The following CTSO variants were observed in gnomAD, a reference collection of about 807,000 sequenced individuals.
CTSO encodes the protein cathepsin O.
A neutral mutation model predicts 42.4 loss-of-function variants in CTSO; 40 were observed. That is an observed-to-expected ratio of 0.94 (90% CI 0.73 to 1.23). The LOEUF is 1.23. Among genes scored for constraint, CTSO ranks in the 50% most tolerant of loss-of-function variants. The pLI is 0.00. For synonymous variants in CTSO, 156 were observed against 146.2 expected (o/e 1.07, Z -0.48); for missense variants, 441 against 396.0 (o/e 1.11, Z -0.96).
At position 155,933,053 on chromosome 4, in the gene CTSO, T is replaced by C. The variant is rs75090718; in HGVS notation, c.675-3348A>G. 3.4e-3 allele frequency among the ~76,000 whole-genome samples: 521 copies of C among 152,168 alleles called. 3 individuals carry two copies. Among genetic ancestry groups the C allele is most frequent in the African/African-American group, 0.011 (466 of 41,508 alleles). ...TCATCTCTCATCTCCAAGGCCATTC[T>C]CCTAACACCCTGCTCTAAGGCCACT... is the stretch of plus-strand genomic sequence containing the variant. On this transcript the variant is annotated intron_variant, in intron 5 of 7. Coordinates refer to ENST00000433477, the MANE Select transcript of CTSO (RefSeq NM_001334.3).
At chr4:155,938,961 A>C (rs1053183916) in intron 4 of CTSO, among the ~76,000 whole-genome samples, 1 of 151,806 alleles carries the variant, frequency 6.6e-6, no homozygotes, top group African/African-American at 2.4e-5. Flanking sequence ...TGTCTCAAAA[A>C]CAACAACAAC....
chr4:155,944,818 G>C (rs1250364424), intron 1 of CTSO, among the ~76,000 whole-genome samples: 1 of 151,994 alleles, frequency 6.6e-6, no homozygotes, highest in Non-Finnish European at 1.5e-5. Flanking sequence ...AGTTTCCTTG[G>C]ACTGTGAGAC....
intron 5 of CTSO, among the ~76,000 whole-genome samples, chr4:155,933,228 G>T (rs1314330880): frequency 2.0e-5 from 3 of 152,118 alleles, no homozygotes; most frequent in African/African-American, 7.2e-5. Context: ...TTGTGATAGT[G>T]AATAAGTCTC....
intron 5 of CTSO, among the ~76,000 whole-genome samples, chr4:155,930,182 A>G (rs1028084405): frequency 4.6e-5 from 7 of 152,176 alleles, no homozygotes; most frequent in African/African-American, 1.2e-4. Context: ...TAGTTAAGAC[A>G]TAGGGCTTCT....
At chr4:155,947,315 T>G (rs550968248) in intron 1 of CTSO, among the ~76,000 whole-genome samples, 2 of 152,272 alleles carry the variant, frequency 1.3e-5, no homozygotes, top group East Asian at 3.9e-4. Flanking sequence ...TGGAAAACAC[T>G]TATTACAGAG....
chr4:155,929,763 T>C (rs1743202010), intron 5 of CTSO, 58 bp from the exon 6 acceptor site: 2 of 1,494,968 alleles, frequency 1.3e-6, no homozygotes, highest in Non-Finnish European at 1.8e-6. Context: ...AAAATAACAA[T>C]GATCTATATA....
At chr4:155,930,988 A>C in intron 5 of CTSO, among the ~76,000 whole-genome samples, 1 of 152,290 alleles carries the variant, frequency 6.6e-6, no homozygotes, top group East Asian at 1.9e-4. Flanking sequence ...CCTGGGTTCA[A>C]ATTCCAACTA....
intron 3 of CTSO, among the ~76,000 whole-genome samples, chr4:155,941,068 G>T (rs1743422020): frequency 6.6e-6 from 1 of 152,144 alleles, no homozygotes; most frequent in South Asian, 2.1e-4. Context: ...CAATAATAAA[G>T]CAAATGATTT....
At chr4:155,930,532 C>G (rs1261762281) in intron 5 of CTSO, among the ~76,000 whole-genome samples, 1 of 152,100 alleles carries the variant, frequency 6.6e-6, no homozygotes, top group Middle Eastern at 3.2e-3. Flanking sequence ...ATTATTTACA[C>G]TTTTCAAAGG....
chr4:155,926,798 G>C (rs1743135653), intron 7 of CTSO, among the ~76,000 whole-genome samples: 1 of 152,124 alleles, frequency 6.6e-6, no homozygotes, highest in African/African-American at 2.4e-5. Context: ...AGTAGCTGAG[G>C]GATGGAGAAA....
rs1158526650 is a variant in CTSO at position 155,928,343 on chromosome 4, A to G, written c.924T>C (p.Asn308=). 2 of 1,610,672 alleles carry G rather than the reference A, an allele frequency of 1.2e-6. No homozygotes were observed. Among genetic ancestry groups the G allele is most frequent in the East Asian group, 2.2e-5 (1 of 44,732 alleles). Reference sequence around the variant, plus strand: ...CACAAACTCATGACTTACCACAAACATTACTTCCCATTTTGACATGGGCAT... The same window carrying G: ...CACAAACTCATGACTTACCACAAACGTTACTTCCCATTTTGACATGGGCAT... The part of the protein sequence containing the change: ...DGYAHVKMGS[N]VCGIADSVSS... The change falls in exon 7 of 8, where the codon AAT becomes AAC. Residue 308 remains asparagine, a synonymous_variant. Coordinates refer to ENST00000433477, the MANE Select transcript of CTSO (RefSeq NM_001334.3).
chr4:155,937,923 T>C (rs775381035), intron 4 of CTSO, among the ~76,000 whole-genome samples: 4 of 152,202 alleles, frequency 2.6e-5, no homozygotes, highest in Non-Finnish European at 2.9e-5. Flanking sequence ...GCCTATACTT[T>C]GGGTTTTTAA....
At chr4:155,951,916 C>G (rs965731508) in intron 1 of CTSO, among the ~76,000 whole-genome samples, 1 of 152,108 alleles carries the variant, frequency 6.6e-6, no homozygotes, top group Non-Finnish European at 1.5e-5. Context: ...CTCCTCCCGT[C>G]CATGGAAAAA....
intron 1 of CTSO, among the ~76,000 whole-genome samples, chr4:155,944,360 C>A (rs778465915): frequency 6.6e-6 from 1 of 152,096 alleles, no homozygotes. Context: ...TTAAAATAAT[C>A]TTGATGAAGC....
In CTSO at chr4:155,928,414, A is replaced by C; in HGVS notation, c.853T>G (p.Trp285Gly). ...CTTCCCCAGGAATTCCGCACAATCCAATATGGAGTGCTTCCTACAGTGAAA... is the reference window on the plus strand; with the variant it reads ...CTTCCCCAGGAATTCCGCACAATCCCATATGGAGTGCTTCCTACAGTGAAA... Reference protein sequence around the residue: ...GFDKTGSTPYWIVRNSWGSSW... With the variant: ...GFDKTGSTPYGIVRNSWGSSW... Residue 285 changes from tryptophan to glycine, a missense_variant, in exon 7 of 8, where the codon TGG becomes GGG. Trp to Gly is a radical substitution (Grantham distance 184). Transcript: ENST00000433477. 2 of 1,610,810 alleles carry C rather than the reference A, an allele frequency of 1.2e-6. No homozygotes were observed. Among genetic ancestry groups the C allele is most frequent in the East Asian group, 4.5e-5 (2 of 44,700 alleles).
At chr4:155,932,613 AC>A (rs1288160706) in intron 5 of CTSO, among the ~76,000 whole-genome samples, 1 of 152,086 alleles carries the variant, frequency 6.6e-6, no homozygotes, top group African/African-American at 2.4e-5. Flanking sequence ...CCCCAGATGC[AC>A]CCTCAACTAA....
At position 155,953,747 on chromosome 4, in the gene CTSO, G is replaced by A; in HGVS notation, c.101C>T (p.Pro34Leu). The A allele has an allele frequency of 7.8e-7, 1 of 1,283,392 alleles. No individual in the cohort carries two copies. Among genetic ancestry groups the A allele is most frequent in the Non-Finnish European group, 9.8e-7 (1 of 1,015,386 alleles). 79.5% of individuals were successfully genotyped at this position (1,283,392 alleles called of 1,614,324 possible). A position where few individuals can be genotyped will look rare whatever the true frequency, so the allele number is the denominator to read the frequency against. Reference sequence around the variant, plus strand: ...GGCGGCTTCACGCTCGCGGCTCCGCGGCCAGGTCGGGGTGAAGGGGGCGCG... The same window carrying A: ...GGCGGCTTCACGCTCGCGGCTCCGCAGCCAGGTCGGGGTGAAGGGGGCGCG... Reference protein sequence around the residue: ...DSRAPFTPTWPRSREREAAAF... With the variant: ...DSRAPFTPTWLRSREREAAAF... Residue 34 changes from proline to leucine, a missense_variant, in exon 1 of 8, where the codon CCG becomes CTG. Physicochemically the swap from Pro to Leu is moderately conservative, Grantham distance 98. Coordinates refer to ENST00000433477, the MANE Select transcript of CTSO (RefSeq NM_001334.3).
At chr4:155,950,333 C>T (rs1412612704) in intron 1 of CTSO, among the ~76,000 whole-genome samples, 3 of 152,164 alleles carry the variant, frequency 2.0e-5, no homozygotes, top group Admixed American at 1.3e-4. Context: ...GGACAGCACG[C>T]GTCTTATTCT....
chr4:155,947,478 A>G (rs1743569923), intron 1 of CTSO, among the ~76,000 whole-genome samples: 1 of 152,206 alleles, frequency 6.6e-6, no homozygotes, highest in South Asian at 2.1e-4. Context: ...AATGAGGATC[A>G]ATATTATCTA....
Sources: gnomAD v4.1 joint callset for allele counts (sites outside exome capture counted in the v4.1 genomes callset) on GRCh38, gnomAD v4.1.1 for gene constraint, MANE v1.5 for transcripts, NCBI Gene and HGNC (gene_info 2026-07-23, HGNC 2026-07-21) for gene names.